DIS3L2: variants seen among roughly 807,000 people sequenced by gnomAD.
DIS3L2 encodes the protein DIS3 like 3'-5' exoribonuclease 2.
In DIS3L2, 34 loss-of-function variants were observed where a neutral mutation model predicts 97.5. The observed-to-expected ratio is 0.35, with a 90% confidence interval of 0.27 to 0.46. DIS3L2 has a LOEUF of 0.46. DIS3L2 is among the 20% of genes least tolerant of loss of function. DIS3L2 has a pLI of 1.00. For synonymous variants in DIS3L2, 435 were observed against 445.2 expected, an observed-to-expected ratio of 0.98 and a Z score of 0.29; for missense variants, 1,038 against 1,146.0, an observed-to-expected ratio of 0.91 and a Z score of 1.36.
intron 6 of DIS3L2, among the ~76,000 whole-genome samples, chr2:232,121,633 G>A (rs1041377117): frequency 7.2e-5 from 11 of 152,208 alleles, no homozygotes; most frequent in South Asian, 6.2e-4. Flanking sequence ...TGGCTCACAC[G>A]CCTTAGTGTG....
intron 9 of DIS3L2, among the ~76,000 whole-genome samples, chr2:232,196,560 A>G (rs1691763267): frequency 6.6e-6 from 1 of 152,138 alleles, no homozygotes; most frequent in Non-Finnish European, 1.5e-5. Flanking sequence ...GAGGCCTCCC[A>G]GTGACCATAG....
At chr2:232,235,376 C>G (rs1003674187) in intron 10 of DIS3L2, among the ~76,000 whole-genome samples, 1 of 152,184 alleles carries the variant, frequency 6.6e-6, no homozygotes, top group African/African-American at 2.4e-5. Context: ...GTGCCACCAC[C>G]TCAAGAGTTC....
At chr2:231,980,663 A>C (rs2106177598) in intron 1 of DIS3L2, among the ~76,000 whole-genome samples, 1 of 152,022 alleles carries the variant, frequency 6.6e-6, no homozygotes, top group East Asian at 1.9e-4. Context: ...GTGCCATTGC[A>C]CTCCAACCTG....
At chr2:232,103,476 C>T (rs1697262912) in intron 6 of DIS3L2, among the ~76,000 whole-genome samples, 1 of 152,088 alleles carries the variant, frequency 6.6e-6, no homozygotes, top group African/African-American at 2.4e-5. Flanking sequence ...GCTGTTTTTC[C>T]CTTTGGCTTG....
intron 5 of DIS3L2, among the ~76,000 whole-genome samples, chr2:232,059,138 G>A (rs781079585): frequency 2.6e-5 from 4 of 152,090 alleles, no homozygotes; most frequent in Non-Finnish European, 2.9e-5. Context: ...CTGATATTTT[G>A]TATACAAAAA....
At position 232,069,780 on chromosome 2, in the gene DIS3L2, T is replaced by A. The variant is rs566345447; in HGVS notation, c.367-17707T>A. On this transcript the variant is annotated intron_variant, in intron 5 of 20. Transcript: ENST00000325385. ...TCTATGAGGAGAGAAGCTGTCCTGA[T>A]AATGGAGCAATATTGAGGAAGGCTG... Among the ~76,000 whole-genome samples, 5 of 152,278 alleles carry A rather than the reference T, an allele frequency of 3.3e-5. No homozygotes were observed. In the East Asian group the frequency reaches 9.7e-4, roughly 29 times the overall value.
At chr2:232,278,276 C>G (rs370933183) in intron 13 of DIS3L2, among the ~76,000 whole-genome samples, 144 of 152,218 alleles carry the variant, frequency 9.5e-4, no homozygotes, top group African/African-American at 3.4e-3. Context: ...ACCTTAAGCA[C>G]TAGACCTACC....
intron 9 of DIS3L2, among the ~76,000 whole-genome samples, chr2:232,182,583 A>AT (rs1481319357): frequency 6.6e-6 from 1 of 151,556 alleles, no homozygotes; most frequent in African/African-American, 2.4e-5. Context: ...TGCTTTGTGT[A>AT]TTTTGTGGCT....
At chr2:232,071,063 C>T (rs1330982782) in intron 5 of DIS3L2, among the ~76,000 whole-genome samples, 3 of 152,184 alleles carry the variant, frequency 2.0e-5, no homozygotes, top group African/African-American at 4.8e-5. Flanking sequence ...TAGAGGAGGG[C>T]TCCTTAACGG....
chr2:232,162,800 T>C (rs1265340553), intron 8 of DIS3L2, among the ~76,000 whole-genome samples: 2 of 152,214 alleles, frequency 1.3e-5, no homozygotes, highest in African/African-American at 4.8e-5. Flanking sequence ...TAGAGAGCTG[T>C]CAATTTGGTA....
intron 14 of DIS3L2, among the ~76,000 whole-genome samples, chr2:232,303,227 G>A (rs142317170): frequency 8.5e-5 from 13 of 152,254 alleles, no homozygotes; most frequent in Non-Finnish European, 1.5e-4. Flanking sequence ...TATGAAGCAC[G>A]GAGGACCCCA....
chr2:232,055,627 T>C (rs562977018), intron 5 of DIS3L2, among the ~76,000 whole-genome samples: 6 of 152,340 alleles, frequency 3.9e-5, no homozygotes, highest in African/African-American at 1.4e-4. Context: ...AGTAACAAGC[T>C]GATTTTAAAA....
chr2:232,088,954 C>A (rs1026225564), intron 6 of DIS3L2, among the ~76,000 whole-genome samples: 2 of 152,116 alleles, frequency 1.3e-5, no homozygotes, highest in Admixed American at 1.3e-4. Flanking sequence ...GCTTTGTTAT[C>A]AAGAAGAAGT....
intron 13 of DIS3L2, among the ~76,000 whole-genome samples, chr2:232,273,730 T>TG (rs1694065325): frequency 2.6e-5 from 4 of 151,970 alleles, no homozygotes; most frequent in Admixed American, 6.5e-5. Context: ...GGGAGCATGG[T>TG]GGAAGGGGCA....
At chr2:232,263,582 C>G in intron 13 of DIS3L2, 142 bp downstream of exon 13, 1 of 766,028 alleles carries the variant, frequency 1.3e-6, no homozygotes, top group Non-Finnish European at 2.1e-6. Context: ...TCTCTGAGGC[C>G]GGCAGGAACT....
chr2:232,056,118 C>T (rs1247308551), intron 5 of DIS3L2, among the ~76,000 whole-genome samples: 1 of 152,096 alleles, frequency 6.6e-6, no homozygotes, highest in Non-Finnish European at 1.5e-5. Flanking sequence ...TACCTGTAAT[C>T]CCAGCACTTT....
chr2:232,184,072 T>G lies in DIS3L2; in HGVS notation c.1124+20440T>G, dbSNP rs11675214. ...CAAAGTTCAGTGTCCTTGTTGATAT[T>G]TAGCCATTTTTCTTGAGTAATTGCA... On this transcript the variant is annotated intron_variant, in intron 9 of 20. Transcript: ENST00000325385. Among the ~76,000 whole-genome samples the G allele has an allele frequency of 2.8e-3, 434 of 152,330 alleles. 1 individual carries two copies. Among genetic ancestry groups the G allele is most frequent in the Non-Finnish European group, 4.7e-3 (323 of 68,024 alleles).
chr2:232,022,673 G>A (rs1476878011), intron 3 of DIS3L2, among the ~76,000 whole-genome samples: 1 of 152,196 alleles, frequency 6.6e-6, no homozygotes, highest in Non-Finnish European at 1.5e-5. Flanking sequence ...TTTGTTTGGA[G>A]TCTCTTCCCC....
intron 5 of DIS3L2, among the ~76,000 whole-genome samples, chr2:232,036,788 A>G (rs1694961672): frequency 6.6e-6 from 1 of 152,184 alleles, no homozygotes; most frequent in Non-Finnish European, 1.5e-5. Context: ...CCTCTTCTGC[A>G]GGTCTGCTGG....
Sources: allele counts gnomAD v4.1 joint callset (sites outside exome capture counted in the v4.1 genomes callset), GRCh38; gene constraint gnomAD v4.1.1; transcripts MANE v1.5; gene names NCBI Gene and HGNC (gene_info 2026-07-23, HGNC 2026-07-21).